Variants in ZNF83 observed in about 807,000 individuals in gnomAD.
The protein encoded by ZNF83 is zinc finger protein 83, also known as zinc finger protein 816B.
For synonymous variants in ZNF83, 209 were observed against 213.0 expected, an observed-to-expected ratio of 0.98 and a Z score of 0.17; for missense variants, 552 against 629.9, an observed-to-expected ratio of 0.88 and a Z score of 1.32.
chr19:52,614,263 G>T (rs1201433955), exon 3 of ZNF83: 1 of 1,614,018 alleles, frequency 6.2e-7, no homozygotes, highest in South Asian at 1.1e-5. Context: ...TTGATGAAAG[G>T]CCTTGCCACG....
intron 1 of ZNF83, among the ~76,000 whole-genome samples, chr19:52,682,920 G>A (rs1360395018): frequency 6.6e-6 from 1 of 152,032 alleles, no homozygotes; most frequent in Non-Finnish European, 1.5e-5. Context: ...GCCCAGGCTG[G>A]AGTACAGTGG....
At chr19:52,630,609 C>T (rs34813370) in intron 2 of ZNF83, among the ~76,000 whole-genome samples, 20,479 of 151,944 alleles carry the variant, frequency 0.13, 1,850 homozygotes, top group African/African-American at 0.25. Flanking sequence ...CTGCCCTTCT[C>T]CCCAACCCAA....
chr19:52,624,733 C>A (rs11880093), intron 2 of ZNF83, among the ~76,000 whole-genome samples: 3 of 151,970 alleles, frequency 2.0e-5, no homozygotes, highest in African/African-American at 4.8e-5. Context: ...TCCTATTATA[C>A]GCTGGCCATG....
chr19:52,617,674 T>C (rs1568531129), intron 2 of ZNF83: 1 of 142,774 alleles, frequency 7.0e-6, no homozygotes, highest in Admixed American at 7.5e-5. Flanking sequence ...GAGGTTACAG[T>C]GAACCGAGAT....
chr19:52,652,838 G>A lies in ZNF83; in HGVS notation c.-74+2723C>T, dbSNP rs1012256877. 4 of 950,846 alleles carry A rather than the reference G, an allele frequency of 4.2e-6. No homozygotes were observed. The African/African-American group carries it at 4.8e-5, about 11-fold the overall frequency. 58.9% of individuals were successfully genotyped at this position (950,846 alleles called of 1,614,324 possible). On this transcript the variant is annotated intron_variant, in intron 3 of 5. Transcript: ENST00000594682. ...GGATTTTCTCCAGTATGAAGTCTAT[G>A]ATGGCATACAAAGGATGACATATGA... is the stretch of plus-strand genomic sequence containing the variant.
chr19:52,631,517 T>G (rs2060959446), intron 2 of ZNF83, among the ~76,000 whole-genome samples: 1 of 152,198 alleles, frequency 6.6e-6, no homozygotes, highest in African/African-American at 2.4e-5. Context: ...AAAATCTATT[T>G]TCTTCCTCAT....
chr19:52,680,612 T>C (rs1486365422), intron 1 of ZNF83, among the ~76,000 whole-genome samples: 1 of 115,396 alleles, frequency 8.7e-6, no homozygotes, highest in African/African-American at 3.0e-5. Flanking sequence ...AAATATTTTT[T>C]TTTTTTTTTT....
intron 1 of ZNF83, among the ~76,000 whole-genome samples, chr19:52,662,387 C>A (rs1372694020): frequency 1.3e-5 from 2 of 152,214 alleles, no homozygotes; most frequent in Middle Eastern, 3.4e-3. Context: ...GAGGAGCCAA[C>A]TGAACACAGG....
At chr19:52,651,534 A>G (rs990940207) in intron 3 of ZNF83, 1 of 152,342 alleles carries the variant, frequency 6.6e-6, no homozygotes, top group Admixed American at 6.6e-5. Flanking sequence ...GTGGAGAGGG[A>G]CTATGTGGTG....
chr19:52,660,359 G>A (rs1600240743), intron 2 of ZNF83, among the ~76,000 whole-genome samples: 1 of 152,214 alleles, frequency 6.6e-6, no homozygotes, highest in South Asian at 2.1e-4. Context: ...GGCAGCCAGT[G>A]TGTTATTCTT....
intron 3 of ZNF83, chr19:52,652,497 TCTC>T: frequency 2.2e-6 from 1 of 446,008 alleles, no homozygotes; most frequent in Non-Finnish European, 4.6e-6. Flanking sequence ...CCATATGAAT[TCTC>T]CTGTGTTTTG....
intron 1 of ZNF83, among the ~76,000 whole-genome samples, chr19:52,676,599 C>T (rs2061812887): frequency 6.6e-6 from 1 of 151,472 alleles, no homozygotes; most frequent in East Asian, 2.0e-4. Context: ...AGCCCCTCTG[C>T]CTGGCCACCA....
chr19:52,676,176 T>A lies in ZNF83; in HGVS notation c.-283+14267A>T, dbSNP rs183278987. Among the ~76,000 whole-genome samples, 931 of 151,928 alleles carry A rather than the reference T, an allele frequency of 6.1e-3. 4 individuals carry two copies. The highest frequency in any genetic ancestry group is 0.021 in the African/African-American group (878 of 41,406). On this transcript the variant is annotated intron_variant, in intron 1 of 5. Transcript: ENST00000594682. The stretch of plus-strand genomic sequence containing the variant: ...TCGTATTTTTTTGGTGGAGACGGGG[T>A]TTCGCTGTGTTGGTTGGGCTGGTCT...
At chr19:52,687,356 T>C (rs1387585653) in intron 1 of ZNF83, among the ~76,000 whole-genome samples, 1 of 97,400 alleles carries the variant, frequency 1.0e-5, no homozygotes, top group East Asian at 2.5e-4. Context: ...TATATAGCTA[T>C]ATAAATTATA....
chr19:52,650,720 G>A (rs1018604519), intron 3 of ZNF83: 4 of 152,166 alleles, frequency 2.6e-5, no homozygotes, highest in African/African-American at 4.8e-5. Flanking sequence ...TTTGAAACCC[G>A]ATCAACCAAT....
chr19:52,687,637 A>ATATATATATATATATAATG lies in ZNF83; in HGVS notation c.-283+2805_-283+2806insCATTATATATATATATATA, dbSNP rs1568589130. Among the ~76,000 whole-genome samples the ATATATATATATATATAATG allele has an allele frequency of 3.5e-4, 6 of 17,344 alleles. 1 individual carries two copies. The highest frequency in any genetic ancestry group is 6.3e-4 in the Non-Finnish European group (6 of 9,476). The allele number at this position is 17,344 out of a possible 152,430, so 11.4% of individuals were successfully genotyped here. ...ATGTGTATATATATATATAATGTATATATATATATATATATATATAATGTA... is the reference window on the plus strand; with the variant it reads ...ATGTGTATATATATATATAATGTATATATATATATATATATAATGTATATATATATATATATATAATGTA... On this transcript the variant is annotated intron_variant, in intron 1 of 5. Coordinates refer to the ZNF83 transcript ENST00000594682.
upstream of ZNF83, among the ~76,000 whole-genome samples, chr19:52,639,417 T>TTTTTTTTTC (rs2061259750): frequency 1.0e-5 from 1 of 99,316 alleles, no homozygotes; most frequent in Non-Finnish European, 2.1e-5. Context: ...TTTTTTCTAT[T>TTTTTTTTTC]TTTTTTTTTT....
intron 1 of ZNF83, among the ~76,000 whole-genome samples, chr19:52,688,515 G>A (rs964078401): frequency 2.0e-5 from 3 of 151,392 alleles, no homozygotes; most frequent in East Asian, 1.9e-4. Flanking sequence ...GATTCTGTAC[G>A]TATCTCTCAT....
chr19:52,687,542 TA>T (rs2062051605), intron 1 of ZNF83, among the ~76,000 whole-genome samples: 1 of 30,668 alleles, frequency 3.3e-5, no homozygotes, highest in African/African-American at 1.1e-4. Context: ...ATTATATATA[TA>T]AATTATATGT....
Sources: gnomAD v4.1 joint callset for allele counts (sites outside exome capture counted in the v4.1 genomes callset) on GRCh38, gnomAD v4.1.1 for gene constraint, MANE v1.5 for transcripts, NCBI Gene and HGNC (gene_info 2026-07-23, HGNC 2026-07-21) for gene names.